The following PTPRD variants were observed in gnomAD, a reference collection of about 807,000 sequenced individuals.
The protein encoded by PTPRD is receptor-type tyrosine-protein phosphatase delta.
Under a neutral mutation model 214.5 loss-of-function variants are expected in PTPRD, and 34 were observed. The ratio of observed to expected loss-of-function variants is 0.16; its 90% CI spans 0.12 to 0.21. The LOEUF is 0.21. Ranked by LOEUF, PTPRD falls within the 10% of genes least tolerant of loss-of-function variation. The pLI is 1.00. For missense variants in PTPRD, 2,545 were observed against 2,398.7 expected (o/e 1.06, Z -1.27); for synonymous variants, 1,128 against 845.7 (o/e 1.33, Z -5.79).
At chr9:9,267,477 C>G (rs1012283557) in intron 9 of PTPRD, among the ~76,000 whole-genome samples, 5 of 151,112 alleles carry the variant, frequency 3.3e-5, no homozygotes, top group African/African-American at 9.7e-5. Flanking sequence ...AAACATTTAA[C>G]AGAATTAACA....
intron 2 of PTPRD, among the ~76,000 whole-genome samples, chr9:10,565,372 T>C (rs2131684932): frequency 6.6e-6 from 1 of 152,220 alleles, no homozygotes; most frequent in Admixed American, 6.5e-5. Context: ...CCTTTAAGAT[T>C]TATCTGTATA....
At chr9:10,248,311 A>G (rs2092395241) in intron 3 of PTPRD, among the ~76,000 whole-genome samples, 1 of 152,084 alleles carries the variant, frequency 6.6e-6, no homozygotes, top group African/African-American at 2.4e-5. Flanking sequence ...ATACTTAAGA[A>G]CATACATAAA....
chr9:9,436,128 A>G (rs909053207), intron 8 of PTPRD, among the ~76,000 whole-genome samples: 1 of 152,206 alleles, frequency 6.6e-6, no homozygotes, highest in Non-Finnish European at 1.5e-5. Context: ...CCCTGGGTCA[A>G]TGGGGGATGG....
chr9:10,577,455 C>A (rs1160943375), intron 2 of PTPRD, among the ~76,000 whole-genome samples: 3 of 152,186 alleles, frequency 2.0e-5, no homozygotes, highest in Non-Finnish European at 4.4e-5. Flanking sequence ...AAACCTCCAA[C>A]TGATATTGAC....
chr9:8,915,602 G>C (rs575737967), intron 11 of PTPRD, among the ~76,000 whole-genome samples: 2 of 152,284 alleles, frequency 1.3e-5, no homozygotes, highest in African/African-American at 4.8e-5. Flanking sequence ...GCAAGCTAGA[G>C]ACCTAGGTGA....
At chr9:10,229,733 A>G (rs1351993407) in intron 3 of PTPRD, among the ~76,000 whole-genome samples, 1 of 151,882 alleles carries the variant, frequency 6.6e-6, no homozygotes, top group African/African-American at 2.4e-5. Flanking sequence ...GGATAGCATC[A>G]GGAGATATAC....
chr9:9,226,314 A>G (rs2099959431), intron 9 of PTPRD, among the ~76,000 whole-genome samples: 2 of 151,934 alleles, frequency 1.3e-5, no homozygotes, highest in South Asian at 4.1e-4. Flanking sequence ...ATTTGGATGA[A>G]AAATCTAATA....
At chr9:10,179,310 G>T (rs2099268215) in intron 3 of PTPRD, among the ~76,000 whole-genome samples, 1 of 151,848 alleles carries the variant, frequency 6.6e-6, no homozygotes, top group Non-Finnish European at 1.5e-5. Context: ...GTTATAGAAA[G>T]CACAAATATC....
intron 2 of PTPRD, among the ~76,000 whole-genome samples, chr9:10,482,254 C>A (rs1053538535): frequency 4.0e-5 from 6 of 151,838 alleles, no homozygotes; most frequent in Admixed American, 2.6e-4. Flanking sequence ...GCCTGTAGTC[C>A]CAGCTACTGA....
rs368882436 is a variant in PTPRD, at chr9:10,118,586, G to A, written c.-544-84796C>T. On this transcript the variant is annotated intron_variant, in intron 3 of 45. Transcript: ENST00000381196. The stretch of plus-strand genomic sequence containing the variant: ...TAATTTTTGATTCAAAATCATAAAT[G>A]TGCAAGTAAAAAAGAATTGGAGAAT... Among the ~76,000 whole-genome samples, 11 of 151,594 alleles carry A rather than the reference G, an allele frequency of 7.3e-5. No individual in the cohort carries two copies. In the East Asian group the frequency reaches 2.1e-3, roughly 29 times the overall value.
chr9:9,054,481 T>A (rs1358139410), intron 10 of PTPRD, among the ~76,000 whole-genome samples: 1 of 152,166 alleles, frequency 6.6e-6, no homozygotes, highest in Non-Finnish European at 1.5e-5. Context: ...TTTATGATGA[T>A]TCCTACATCT....
At chr9:10,278,889 C>G (rs1210817802) in intron 3 of PTPRD, among the ~76,000 whole-genome samples, 2 of 152,098 alleles carry the variant, frequency 1.3e-5, no homozygotes, top group South Asian at 4.2e-4. Context: ...ATTCTCCTGC[C>G]TCAGCCTCCC....
At chr9:10,057,851 CAAAA>C (rs112975551) in intron 3 of PTPRD, among the ~76,000 whole-genome samples, 3 of 140,938 alleles carry the variant, frequency 2.1e-5, no homozygotes, top group Admixed American at 7.0e-5. Flanking sequence ...CAAAAAAAAA[CAAAA>C]AAAAAACAAA....
chr9:9,404,689 A>C (rs754535762), intron 8 of PTPRD, among the ~76,000 whole-genome samples: 3 of 152,066 alleles, frequency 2.0e-5, no homozygotes, highest in Non-Finnish European at 4.4e-5. Flanking sequence ...CCTATAGTTC[A>C]GTGGAGAGTC....
At chr9:8,891,456 G>T (rs1476257967) in intron 11 of PTPRD, among the ~76,000 whole-genome samples, 1 of 148,324 alleles carries the variant, frequency 6.7e-6, no homozygotes, top group Non-Finnish European at 1.5e-5. Flanking sequence ...TTTTTTTTAA[G>T]GTAAGCGTTC....
intron 26 of PTPRD, among the ~76,000 whole-genome samples, chr9:8,496,185 C>T (rs1021782263): frequency 1.4e-5 from 2 of 145,218 alleles, no homozygotes; most frequent in East Asian, 2.2e-4. Flanking sequence ...CACACACACA[C>T]ACACACACAC....
At chr9:8,712,400 A>G (rs1048689987) in intron 12 of PTPRD, among the ~76,000 whole-genome samples, 1 of 151,758 alleles carries the variant, frequency 6.6e-6, no homozygotes, top group Non-Finnish European at 1.5e-5. Flanking sequence ...AAAATCTGAA[A>G]GGTTTTGTAA....
At chr9:9,673,929 C>A (rs1426304182) in intron 7 of PTPRD, among the ~76,000 whole-genome samples, 3 of 151,750 alleles carry the variant, frequency 2.0e-5, no homozygotes, top group Non-Finnish European at 4.4e-5. Context: ...GAACACTATA[C>A]TTTCCAAAAC....
At chr9:10,236,155 A>C (rs2099628112) in intron 3 of PTPRD, among the ~76,000 whole-genome samples, 1 of 151,942 alleles carries the variant, frequency 6.6e-6, no homozygotes, top group African/African-American at 2.4e-5. Context: ...TGTCCGAGAC[A>C]CAGATATACC....
Sources: allele counts gnomAD v4.1 joint callset (sites outside exome capture counted in the v4.1 genomes callset), GRCh38; gene constraint gnomAD v4.1.1; transcripts MANE v1.5; gene names NCBI Gene and HGNC (gene_info 2026-07-23, HGNC 2026-07-21).